WWOX: variants seen among roughly 807,000 people sequenced by gnomAD.
WWOX encodes the protein WW domain-containing oxidoreductase.
In WWOX, 69 loss-of-function variants were observed where a neutral mutation model predicts 46.2. The ratio of observed to expected loss-of-function variants is 1.49; its 90% CI spans 1.23 to 1.82. WWOX has a LOEUF of 1.82. WWOX is among the 40% of genes most tolerant of loss of function. WWOX has a pLI of 0.00. For missense variants in WWOX, 919 were observed against 542.6 expected, an observed-to-expected ratio of 1.69 and a Z score of -6.89; for synonymous variants, 359 against 202.6, an observed-to-expected ratio of 1.77 and a Z score of -6.56.
chr16:78,860,679 G>A (rs1344623735), intron 8 of WWOX, among the ~76,000 whole-genome samples: 1 of 152,216 alleles, frequency 6.6e-6, no homozygotes, highest in African/African-American at 2.4e-5. Flanking sequence ...TGAAAAAGAA[G>A]TGTTCTTCCT....
chr16:78,865,607 G>T (rs1461985970), intron 8 of WWOX, among the ~76,000 whole-genome samples: 1 of 152,076 alleles, frequency 6.6e-6, no homozygotes, highest in Non-Finnish European at 1.5e-5. Flanking sequence ...GCCAGGTGCA[G>T]TGTGGCTCAA....
intron 8 of WWOX, among the ~76,000 whole-genome samples, chr16:79,122,694 C>A (rs184531501): frequency 2.0e-5 from 3 of 152,104 alleles, no homozygotes; most frequent in Admixed American, 2.0e-4. Context: ...AGGAAATAAC[C>A]GTAAGCTAGG....
chr16:79,154,090 A>C (rs946882263), intron 8 of WWOX, among the ~76,000 whole-genome samples: 2 of 152,238 alleles, frequency 1.3e-5, no homozygotes, highest in Admixed American at 6.5e-5. Context: ...GAGTGGATGC[A>C]TCATGGATAG....
At chr16:78,805,334 C>G (rs377109027) in intron 8 of WWOX, among the ~76,000 whole-genome samples, 1 of 152,176 alleles carries the variant, frequency 6.6e-6, no homozygotes, top group South Asian at 2.1e-4. Context: ...GATCTCGGCT[C>G]ACTGCAAGCT....
At chr16:78,662,607 T>C (rs1005743389) in intron 8 of WWOX, among the ~76,000 whole-genome samples, 13 of 152,192 alleles carry the variant, frequency 8.5e-5, no homozygotes, top group Admixed American at 5.9e-4. Context: ...GGCTTGATTT[T>C]TATTTTACTA....
intron 8 of WWOX, among the ~76,000 whole-genome samples, chr16:78,702,007 TTATATATATATATATATA>T (rs869227421): frequency 4.7e-4 from 27 of 57,628 alleles, no homozygotes; most frequent in Middle Eastern, 0.019. Context: ...CTACATAAAA[TTATATATATATATATATA>T]TATATATATA....
chr16:79,027,162 C>T (rs545985300), intron 8 of WWOX, among the ~76,000 whole-genome samples: 330 of 151,048 alleles, frequency 2.2e-3, no homozygotes, highest in Non-Finnish European at 3.5e-3. Context: ...TGCCTGTAGT[C>T]CCAGCTACTC....
At chr16:78,370,885 T>C (rs2081663392) in intron 5 of WWOX, among the ~76,000 whole-genome samples, 2 of 150,628 alleles carry the variant, frequency 1.3e-5, no homozygotes, top group Admixed American at 6.6e-5. Context: ...TTGAGATGCA[T>C]ACAAAATGGA....
intron 8 of WWOX, among the ~76,000 whole-genome samples, chr16:79,080,361 G>A (rs1010592404): frequency 2.6e-5 from 4 of 152,196 alleles, no homozygotes; most frequent in African/African-American, 4.8e-5. Flanking sequence ...TGTGCACGTC[G>A]CAGAAGATCA....
At chr16:78,636,470 T>C (rs1220568117) in intron 8 of WWOX, among the ~76,000 whole-genome samples, 1 of 152,202 alleles carries the variant, frequency 6.6e-6, no homozygotes, top group Non-Finnish European at 1.5e-5. Context: ...TTGAATAAAC[T>C]GATACTGACT....
At chr16:78,964,175 G>C (rs9926476) in intron 8 of WWOX, among the ~76,000 whole-genome samples, 83,353 of 151,680 alleles carry the variant, frequency 0.55, 23,117 homozygotes, top group African/African-American at 0.61. Context: ...CTGAAAATGT[G>C]GAAGTGACTT....
rs7196035 is a variant in WWOX at position 79,099,436 on chromosome 16, C to G, written c.1057-112172C>G. Among the ~76,000 whole-genome samples the G allele has an allele frequency of 4.6e-3, 694 of 152,296 alleles. 3 individuals are homozygous for G. Among genetic ancestry groups the G allele is most frequent in the Non-Finnish European group, 8.7e-3 (592 of 68,024 alleles). ...TGGTGGAGACTGTGGTAAACTGCAG[C>G]GCGCACACTCTGTTAACAGAGGAGG... On this transcript the variant is annotated intron_variant, in intron 8 of 8. Transcript: ENST00000566780.
At chr16:79,063,577 G>A (rs2150552769) in intron 8 of WWOX, among the ~76,000 whole-genome samples, 1 of 152,314 alleles carries the variant, frequency 6.6e-6, no homozygotes, top group East Asian at 1.9e-4. Flanking sequence ...AATTCCAGGA[G>A]CGGATTTGGA....
chr16:78,128,438 A>G (rs551473597), intron 4 of WWOX, among the ~76,000 whole-genome samples: 30 of 152,312 alleles, frequency 2.0e-4, no homozygotes, highest in African/African-American at 5.5e-4. Flanking sequence ...TGTGGGTTGC[A>G]GTTGTGTTGA....
intron 8 of WWOX, among the ~76,000 whole-genome samples, chr16:78,462,710 A>G (rs921015496): frequency 9.8e-5 from 15 of 152,316 alleles, no homozygotes; most frequent in African/African-American, 3.6e-4. Flanking sequence ...GTGCAATAAC[A>G]TCTTAATACA....
At chr16:78,774,589 C>T (rs890435237) in intron 8 of WWOX, among the ~76,000 whole-genome samples, 6 of 151,796 alleles carry the variant, frequency 4.0e-5, no homozygotes, top group African/African-American at 9.7e-5. Flanking sequence ...CACATATGCA[C>T]ATAAGATAGC....
At chr16:78,859,643 T>C (rs763037070) in intron 8 of WWOX, among the ~76,000 whole-genome samples, 4 of 152,202 alleles carry the variant, frequency 2.6e-5, no homozygotes, top group Non-Finnish European at 5.9e-5. Context: ...ACTCATGATC[T>C]TCTGTGATTC....
intron 8 of WWOX, chr16:79,206,823 C>T (rs2051528167): frequency 6.6e-6 from 1 of 151,098 alleles, no homozygotes; most frequent in African/African-American, 2.4e-5. Context: ...GGCCTATGAG[C>T]CTCATTCCTG....
At chr16:78,646,006 G>C (rs1439581808) in intron 8 of WWOX, among the ~76,000 whole-genome samples, 1 of 151,790 alleles carries the variant, frequency 6.6e-6, no homozygotes, top group Non-Finnish European at 1.5e-5. Context: ...CTCCCCCTTT[G>C]TCATCTTTTT....
Sources: allele counts gnomAD v4.1 joint callset (sites outside exome capture counted in the v4.1 genomes callset), GRCh38; gene constraint gnomAD v4.1.1; transcripts MANE v1.5; gene names NCBI Gene and HGNC (gene_info 2026-07-23, HGNC 2026-07-21).